Variants in FBXW11 observed in about 807,000 individuals in gnomAD.
The protein encoded by FBXW11 is F-box/WD repeat-containing protein 11.
In FBXW11, 19 loss-of-function variants were observed where a neutral mutation model predicts 77.6. That is an observed-to-expected ratio of 0.24 (90% CI 0.17 to 0.36). The LOEUF is 0.36. Ranked by LOEUF, FBXW11 falls within the 10% of genes least tolerant of loss-of-function variation. FBXW11 has a pLI of 1.00. For missense variants in FBXW11, 334 were observed against 704.2 expected (o/e 0.47, Z 5.95); for synonymous variants, 235 against 249.4 (o/e 0.94, Z 0.54).
At chr5:171,977,338 A>T (rs1421673510) in intron 1 of FBXW11, among the ~76,000 whole-genome samples, 1 of 151,952 alleles carries the variant, frequency 6.6e-6, no homozygotes, top group Non-Finnish European at 1.5e-5. Context: ...AAGAAAGAAA[A>T]GAAAAAAGAA....
intron 9 of FBXW11, 136 bp from the exon 10 acceptor site, chr5:171,873,126 G>T: frequency 1.4e-6 from 1 of 721,900 alleles, no homozygotes; most frequent in African/African-American, 1.8e-5. Flanking sequence ...CTAACTCAAA[G>T]TTGGGAGGCT....
At chr5:171,871,401 C>T (rs1312334347) in intron 10 of FBXW11, among the ~76,000 whole-genome samples, 2 of 152,246 alleles carry the variant, frequency 1.3e-5, no homozygotes, top group South Asian at 2.1e-4. Flanking sequence ...TTAGAACTGG[C>T]GGACCAGCAG....
chr5:171,874,222 C>A (rs908280231), intron 9 of FBXW11, among the ~76,000 whole-genome samples: 37 of 152,144 alleles, frequency 2.4e-4, no homozygotes, highest in African/African-American at 8.7e-4. Flanking sequence ...ATAGACATTT[C>A]TCCAGAGAAG....
chr5:171,914,757 T>G (rs559968443), intron 2 of FBXW11, among the ~76,000 whole-genome samples: 5 of 152,298 alleles, frequency 3.3e-5, no homozygotes, highest in African/African-American at 1.2e-4. Context: ...TTCCGATGAT[T>G]GCACAAAACA....
At chr5:172,006,358 G>T in intron 1 of FBXW11, 100 bp downstream of exon 1, 1 of 1,108,606 alleles carries the variant, frequency 9.0e-7, no homozygotes. Flanking sequence ...CGAGGCGTCT[G>T]GGAAGGGCCA....
intron 1 of FBXW11, among the ~76,000 whole-genome samples, chr5:171,959,828 C>T (rs545682377): frequency 3.5e-5 from 5 of 141,742 alleles, no homozygotes; most frequent in African/African-American, 1.1e-4. Context: ...CCAGCCCAAG[C>T]GACTGAGCGA....
At position 171,874,890 on chromosome 5, in the gene FBXW11, G is replaced by A. The variant is rs10040169; in HGVS notation, c.1221+1395C>T. 8.6e-3 allele frequency among the ~76,000 whole-genome samples: 1,301 copies of A among 151,688 alleles called. 20 individuals are homozygous for A. Among genetic ancestry groups the A allele is most frequent in the African/African-American group, 0.03 (1,224 of 41,320 alleles). On this transcript the variant is annotated intron_variant, in intron 9 of 13. Coordinates refer to ENST00000517395, the MANE Select transcript of FBXW11 (RefSeq NM_001378974.1). ...GAGCCCAGGAGGTCAAGGCTGAAGC[G>A]AACCATGACTGTGTTACTGCACTCC...
intron 1 of FBXW11, among the ~76,000 whole-genome samples, chr5:171,967,855 CATATATATATATATAT>C (rs375683631): frequency 2.4e-4 from 28 of 118,536 alleles, no homozygotes; most frequent in East Asian, 6.7e-4. Context: ...AAAAAAAATG[CATATATATATATATAT>C]ATATATATAT....
intron 2 of FBXW11, among the ~76,000 whole-genome samples, chr5:171,933,775 T>C (rs2113101798): frequency 6.6e-6 from 1 of 152,250 alleles, no homozygotes; most frequent in African/African-American, 2.4e-5. Context: ...AAGCTAGGAA[T>C]CTTATCAACT....
chr5:172,003,557 C>A (rs777471587), intron 1 of FBXW11, among the ~76,000 whole-genome samples: 1 of 152,052 alleles, frequency 6.6e-6, no homozygotes, highest in African/African-American at 2.4e-5. Flanking sequence ...AGTCATCTGG[C>A]GGTTAAATTA....
At chr5:171,908,426 A>C (rs1364538666) in intron 4 of FBXW11, among the ~76,000 whole-genome samples, 1 of 152,180 alleles carries the variant, frequency 6.6e-6, no homozygotes, top group Non-Finnish European at 1.5e-5. Flanking sequence ...CACCACCACT[A>C]TAATCAAGAT....
intron 1 of FBXW11, among the ~76,000 whole-genome samples, chr5:171,975,989 A>T (rs556140788): frequency 2.0e-5 from 3 of 152,190 alleles, no homozygotes; most frequent in Non-Finnish European, 4.4e-5. Context: ...GACTATATAC[A>T]GCATTTACTA....
chr5:171,916,574 T>G (rs1761267675), intron 2 of FBXW11: 1 of 465,800 alleles, frequency 2.1e-6, no homozygotes, highest in South Asian at 9.1e-5. Flanking sequence ...TTTATGGAGG[T>G]CTCTCCATGT....
At chr5:171,937,306 T>C (rs972409157) in intron 2 of FBXW11, among the ~76,000 whole-genome samples, 7 of 152,152 alleles carry the variant, frequency 4.6e-5, no homozygotes, top group African/African-American at 1.7e-4. Flanking sequence ...AAATACACCA[T>C]AAATAAGCCT....
intron 2 of FBXW11, among the ~76,000 whole-genome samples, chr5:171,953,622 A>AC (rs1016684355): frequency 4.9e-4 from 74 of 152,006 alleles, no homozygotes; most frequent in African/African-American, 1.7e-3. Flanking sequence ...TGGATTTCAT[A>AC]CCCCCCAAGA....
rs1760831947 is a variant in FBXW11, at chr5:171,910,765, G to A, written c.243C>T (p.Ser81=). The change falls in exon 4 of 14, where the codon TCC becomes TCT. Residue 81 remains serine (S), a synonymous_variant. Coordinates refer to ENST00000517395, the MANE Select transcript of FBXW11 (RefSeq NM_001378974.1). Reference sequence around the variant, plus strand: ...AGTTTCCTTCTGATGGCCTCTTTCTGGAGACGATCACAGATGATGTTCCAT... The same window carrying A: ...AGTTTCCTTCTGATGGCCTCTTTCTAGAGACGATCACAGATGATGTTCCAT... ...ISNGTSSVIV[S]RKRPSEGNYQ... 1 of 1,610,388 alleles carries A rather than the reference G, an allele frequency of 6.2e-7. No homozygotes were observed.
At chr5:171,966,636 A>C (rs1764205058) in intron 1 of FBXW11, among the ~76,000 whole-genome samples, 1 of 152,128 alleles carries the variant, frequency 6.6e-6, no homozygotes, top group Non-Finnish European at 1.5e-5. Context: ...ACCCAATCCC[A>C]ATGAGGTTTT....
chr5:171,861,973 CA>C lies in FBXW11; in HGVS notation c.*2153del, dbSNP rs1253316108. ...CAGAAAGTCAGAACTCCTTGGGTGC[CA>C]AAGTCCCCTGCTATAATTTAGTAGG... On this transcript the variant is annotated 3_prime_UTR_variant, in exon 14 of 14. Coordinates refer to ENST00000517395, the MANE Select transcript of FBXW11 (RefSeq NM_001378974.1). 2.6e-5 allele frequency: 4 copies of C among 152,690 alleles called. No homozygotes were observed. The highest frequency in any genetic ancestry group is 3.4e-3 in the Middle Eastern group (1 of 294). 9.5% of individuals were successfully genotyped at this position (152,690 alleles called of 1,614,324 possible). A position where few individuals can be genotyped will look rare whatever the true frequency, so the allele number is the denominator to read the frequency against.
At chr5:171,978,351 T>C (rs1764954717) in intron 1 of FBXW11, among the ~76,000 whole-genome samples, 1 of 152,292 alleles carries the variant, frequency 6.6e-6, no homozygotes, top group African/African-American at 2.4e-5. Flanking sequence ...ACCTGTCCAG[T>C]GGTGCCCTCC....
Sources: gnomAD v4.1 joint callset for allele counts (sites outside exome capture counted in the v4.1 genomes callset) on GRCh38, gnomAD v4.1.1 for gene constraint, MANE v1.5 for transcripts, NCBI Gene and HGNC (gene_info 2026-07-23, HGNC 2026-07-21) for gene names.